Variants in SECISBP2L observed in about 807,000 individuals in gnomAD.
SECISBP2L encodes SECIS binding protein 2 like, also known as selenocysteine insertion sequence-binding protein 2-like.
Under a neutral mutation model 114.7 loss-of-function variants are expected in SECISBP2L, and 43 were observed. That is an observed-to-expected ratio of 0.38 (90% CI 0.29 to 0.48). SECISBP2L has a LOEUF of 0.48. Among genes scored for constraint, SECISBP2L ranks in the 20% least tolerant of loss-of-function variants. SECISBP2L has a pLI of 0.98. For synonymous variants in SECISBP2L, 451 were observed against 439.7 expected, an observed-to-expected ratio of 1.03 and a Z score of -0.32; for missense variants, 1,136 against 1,301.1, an observed-to-expected ratio of 0.87 and a Z score of 1.95.
intron 15 of SECISBP2L, among the ~76,000 whole-genome samples, chr15:49,000,357 C>T (rs1037692382): frequency 2.5e-4 from 38 of 152,158 alleles, no homozygotes; most frequent in African/African-American, 9.2e-4. Context: ...GCAATGAGAT[C>T]GATTACACAT....
At chr15:49,008,200 T>C (rs1902362792) in intron 14 of SECISBP2L, among the ~76,000 whole-genome samples, 1 of 152,212 alleles carries the variant, frequency 6.6e-6, no homozygotes, top group Non-Finnish European at 1.5e-5. Context: ...TTATATTATG[T>C]AGTGGGAAAA....
At chr15:49,011,136 A>G (rs540120060) in intron 13 of SECISBP2L, among the ~76,000 whole-genome samples, 39 of 152,356 alleles carry the variant, frequency 2.6e-4, no homozygotes, top group African/African-American at 8.7e-4. Context: ...TGTGTTGCAA[A>G]AAGTTGGGCA....
Position 48,999,976 on chromosome 15 carries a change from C to T in SECISBP2L, c.2260G>A (p.Glu754Lys). Residue 754 changes from glutamate to lysine, a missense_variant, in exon 16 of 18, where the codon GAG becomes AAG. Glu to Lys is a moderately conservative substitution (Grantham distance 56, BLOSUM62 1). This residue lies in a region of SECISBP2L where 684 missense variants were observed against 848.7 expected (regional missense o/e 0.81). Transcript: ENST00000559471. Reference protein sequence around the residue: ...EKIQSKGGLDEALYNVIAMAR... With the variant: ...EKIQSKGGLDKALYNVIAMAR... Reference sequence around the variant, plus strand: ...ATGGCTATAACATTATAGAGAGCCTCATCCAGACCACCTGAGAAAATCAAC... The same window carrying T: ...ATGGCTATAACATTATAGAGAGCCTTATCCAGACCACCTGAGAAAATCAAC... 6.2e-7 allele frequency: 1 copy of T among 1,613,648 alleles called. No homozygotes were observed. Among genetic ancestry groups the T allele is most frequent in the Non-Finnish European group, 8.5e-7 (1 of 1,179,756 alleles).
Position 49,012,641 on chromosome 15 carries a change from G to A in SECISBP2L, c.1731+7C>T. The A allele has an allele frequency of 6.2e-7, 1 of 1,609,626 alleles. No homozygotes were observed. On this transcript the variant is annotated splice_region_variant and intron_variant, in intron 12 of 17. Coordinates refer to ENST00000559471, the MANE Select transcript of SECISBP2L (RefSeq NM_001193489.2). ...TAAAATAAATATCCCACCAGATTTT[G>A]GTTTACCTTTTTAAGTGCTGTGGGT... is the stretch of plus-strand genomic sequence containing the variant.
rs540992043 is a variant in SECISBP2L at position 49,008,325 on chromosome 15, T to C, written c.2027+891A>G. On this transcript the variant is annotated intron_variant, in intron 14 of 17. Coordinates refer to ENST00000559471, the MANE Select transcript of SECISBP2L (RefSeq NM_001193489.2). ...ACTACTTCAGAAGAATATATATAAA[T>C]GCAGAGATTGAGGAACATTTAACTG... Among the ~76,000 whole-genome samples, 11 of 152,338 alleles carry C rather than the reference T, an allele frequency of 7.2e-5. No homozygotes were observed. The East Asian group carries it at 2.1e-3, about 29-fold the overall frequency.
intron 1 of SECISBP2L, among the ~76,000 whole-genome samples, chr15:49,041,453 T>C (rs946067615): frequency 2.0e-5 from 3 of 152,188 alleles, no homozygotes; most frequent in Admixed American, 6.5e-5. Flanking sequence ...TGTATTCAGA[T>C]CATTGAGAGC....
chr15:49,044,212 A>T (rs1903197270), intron 1 of SECISBP2L, among the ~76,000 whole-genome samples: 1 of 152,204 alleles, frequency 6.6e-6, no homozygotes, highest in Non-Finnish European at 1.5e-5. Flanking sequence ...TATTACATAT[A>T]CTTTTCAATG....
intron 14 of SECISBP2L, 68 bp from the exon 15 acceptor site, chr15:49,001,165 A>G: frequency 1.0e-6 from 1 of 963,148 alleles, no homozygotes; most frequent in Non-Finnish European, 1.5e-6. Flanking sequence ...AAACTGCATT[A>G]AGAAAATATC....
Position 49,033,027 on chromosome 15 carries a change from T to C in SECISBP2L, c.602A>G (p.Asn201Ser). ...TGATCGACTATCAGGACCTGCTGCA[T>C]TTGTTTCTTTCTGAGTAGCTACATT... ...VKNVATQKET[N>S]AAGPDSRSKI... is the part of the protein sequence containing the mutation. The change falls in exon 4 of 18, where the codon AAT (asparagine) becomes AGT (serine). Residue 201 changes from asparagine to serine, a missense_variant. Physicochemically the swap from Asn to Ser is conservative, Grantham distance 46 (BLOSUM62 1). Transcript: ENST00000559471. 1 of 1,614,172 alleles carries C rather than the reference T, an allele frequency of 6.2e-7. No individual in the cohort carries two copies. Among genetic ancestry groups the C allele is most frequent in the East Asian group, 2.2e-5 (1 of 44,882 alleles).
Position 49,046,255 on chromosome 15 carries a change from GC to G in SECISBP2L, c.24+20del. On this transcript the variant is annotated intron_variant, in intron 1 of 17. Coordinates refer to ENST00000559471, the MANE Select transcript of SECISBP2L (RefSeq NM_001193489.2). Reference sequence around the variant, plus strand: ...GCGACCCCAACCCCCGGCTCGGCGGGCCCAGCCCAAACCCGCGTACCTGCTC... The same window carrying G: ...GCGACCCCAACCCCCGGCTCGGCGGGCCAGCCCAAACCCGCGTACCTGCTC... 1.3e-6 allele frequency: 2 copies of G among 1,566,188 alleles called. No homozygotes were observed. The highest frequency in any genetic ancestry group is 1.2e-5 in the South Asian group (1 of 85,574).
Position 49,033,110 on chromosome 15 carries a change from AAAAAAAAC to A in SECISBP2L, c.529-18_529-11del, listed in dbSNP as rs779935075. ...GTTGTAAAAGCTGTTGCTGATTTAAAAAAAAAACAAAAAAACAAAAAACACACAACTAT... is the reference window on the plus strand; with the variant it reads ...GTTGTAAAAGCTGTTGCTGATTTAAAAAAAAAACAAAAAACACACAACTAT... On this transcript the variant is annotated splice_polypyrimidine_tract_variant and intron_variant, in intron 3 of 17. Transcript: ENST00000559471. 1.9e-6 allele frequency: 3 copies of A among 1,601,350 alleles called. No homozygotes were observed. Among genetic ancestry groups the A allele is most frequent in the South Asian group, 1.1e-5 (1 of 87,732 alleles).
Position 49,016,637 on chromosome 15 carries a change from A to G in SECISBP2L, c.1484T>C (p.Met495Thr). ...CTGTTGTTTTTCCAGAGCAGCTAACATGTCCCCTAAATCTAGCTGCACAGG... is the reference window on the plus strand; with the variant it reads ...CTGTTGTTTTTCCAGAGCAGCTAACGTGTCCCCTAAATCTAGCTGCACAGG... ...KTPVQLDLGDMLAALEKQQQA... is the reference protein window; with the variant it reads ...KTPVQLDLGDTLAALEKQQQA... Residue 495 changes from methionine to threonine, a missense_variant, in exon 11 of 18, where the codon ATG becomes ACG. By Grantham distance (81) the Met-to-Thr change is moderately conservative (BLOSUM62 -1). Coordinates refer to ENST00000559471, the MANE Select transcript of SECISBP2L (RefSeq NM_001193489.2). 1.2e-6 allele frequency: 2 copies of G among 1,610,310 alleles called. No individual in the cohort carries two copies. The highest frequency in any genetic ancestry group is 1.7e-6 in the Non-Finnish European group (2 of 1,177,866).
intron 4 of SECISBP2L, among the ~76,000 whole-genome samples, chr15:49,029,359 C>T (rs138846670): frequency 3.1e-3 from 468 of 152,218 alleles, no homozygotes; most frequent in African/African-American, 9.6e-3. Context: ...CTTTTCTTTA[C>T]GCATTTGCCA....
chr15:49,003,632 A>G (rs891338068), intron 14 of SECISBP2L, among the ~76,000 whole-genome samples: 2 of 152,190 alleles, frequency 1.3e-5, no homozygotes, highest in Non-Finnish European at 2.9e-5. Flanking sequence ...TAGTTTATTG[A>G]GAGTTTTTAG....
Position 49,033,049 on chromosome 15 carries a change from C to A in SECISBP2L, c.580G>T (p.Val194Leu), listed in dbSNP as rs747877371. The change falls in exon 4 of 18, where the codon GTA becomes TTA. Residue 194 changes from valine to leucine, a missense_variant. Transcript: ENST00000559471. The part of the protein sequence containing the change: ...IKSKRPLVKN[V>L]ATQKETNAAG... ...GCATTTGTTTCTTTCTGAGTAGCTA[C>A]ATTTTTCACCAGCGGCCTTTTGCTT... The A allele has an allele frequency of 1.1e-5, 18 of 1,614,050 alleles. No homozygotes were observed. Among genetic ancestry groups the A allele is most frequent in the Non-Finnish European group, 3.4e-6 (4 of 1,179,996 alleles).
At chr15:49,019,674 T>C in intron 7 of SECISBP2L, 122 bp from the exon 8 acceptor site, 6 of 737,690 alleles carry the variant, frequency 8.1e-6, no homozygotes, top group Non-Finnish European at 1.1e-5. Context: ...TTTCACCAAG[T>C]GCATCACTTA....
intron 4 of SECISBP2L, among the ~76,000 whole-genome samples, chr15:49,029,871 T>G (rs1055551737): frequency 1.3e-5 from 2 of 151,724 alleles, no homozygotes; most frequent in Non-Finnish European, 2.9e-5. Flanking sequence ...TTTTAATTTG[T>G]ATGTACCTGC....
chr15:49,032,998 T>C lies in SECISBP2L; in HGVS notation c.631A>G (p.Ile211Val). The part of the protein sequence containing the change: ...NAAGPDSRSK[I>V]VLLVDASQQT... ...TGTGAAGCATCTACCAGAAGCACAA[T>C]TTTTGATCGACTATCAGGACCTGCT... The change falls in exon 4 of 18, where the codon ATT (isoleucine) becomes GTT (valine). Residue 211 changes from isoleucine (I) to valine (V), a missense_variant. By Grantham distance (29) the Ile-to-Val change is conservative (BLOSUM62 3). Coordinates refer to ENST00000559471, the MANE Select transcript of SECISBP2L (RefSeq NM_001193489.2). 6.2e-7 allele frequency: 1 copy of C among 1,614,028 alleles called. No homozygotes were observed. Among genetic ancestry groups the C allele is most frequent in the Non-Finnish European group, 8.5e-7 (1 of 1,179,936 alleles).
chr15:48,992,677 C>T lies in SECISBP2L; in HGVS notation c.2873G>A (p.Ser958Asn), dbSNP rs1402402932. ...GCCATCCAAAGAGCCAGTCTCTGTA[C>T]TCTGCTGTGAGGCCCATTCCAGGTC... ...PDDLEWASQQ[S>N]TETGSLDGSC... The change falls in exon 18 of 18, where the codon AGT (serine) becomes AAT (asparagine). Residue 958 changes from serine (S) to asparagine (N), a missense_variant. Ser to Asn is a conservative substitution (Grantham distance 46). Coordinates refer to ENST00000559471, the MANE Select transcript of SECISBP2L (RefSeq NM_001193489.2). 6 of 1,614,182 alleles carry T rather than the reference C, an allele frequency of 3.7e-6. No individual in the cohort carries two copies. The highest frequency in any genetic ancestry group is 1.3e-5 in the African/African-American group (1 of 75,044).
Sources: allele counts gnomAD v4.1 joint callset (sites outside exome capture counted in the v4.1 genomes callset), GRCh38; gene constraint gnomAD v4.1.1; regional missense constraint gnomAD v4.1.1; transcripts MANE v1.5; gene names NCBI Gene and HGNC (gene_info 2026-07-23, HGNC 2026-07-21).